The following RAB3C variants were observed in gnomAD, a reference collection of about 807,000 sequenced individuals.
RAB3C encodes the protein ras-related protein Rab-3C.
Under a neutral mutation model 26.4 loss-of-function variants are expected in RAB3C, and 17 were observed. The ratio of observed to expected loss-of-function variants is 0.64; its 90% confidence interval spans 0.44 to 0.97. The LOEUF (loss-of-function observed/expected upper bound fraction) is 0.97. RAB3C is among the 50% of genes least tolerant of loss of function. The pLI is 0.00. For missense variants in RAB3C, 242 were observed against 281.9 expected (o/e 0.86, Z 1.01); for synonymous variants, 91 against 95.9 (o/e 0.95, Z 0.30).
At position 58,758,239 on chromosome 5, in the gene RAB3C, C is replaced by T. The variant is rs145719430; in HGVS notation, c.371+32119C>T. 1.9e-3 allele frequency among the ~76,000 whole-genome samples: 291 copies of T among 152,090 alleles called. 4 individuals are homozygous for T. The highest frequency in any genetic ancestry group is 0.014 in the Admixed American group (208 of 15,272). Reference sequence around the variant, plus strand: ...GATTACAGACGTGAGCCACGGTGCCCGGCCTTTATTTGTTTATTATTGATA... The same window carrying T: ...GATTACAGACGTGAGCCACGGTGCCTGGCCTTTATTTGTTTATTATTGATA... On this transcript the variant is annotated intron_variant, in intron 3 of 4. Coordinates refer to ENST00000282878, the MANE Select transcript of RAB3C (RefSeq NM_138453.4).
chr5:58,845,680 A>T (rs1833809), intron 4 of RAB3C, among the ~76,000 whole-genome samples: 78,381 of 138,224 alleles, frequency 0.57, 22,918 homozygotes, highest in Middle Eastern at 0.69. Flanking sequence ...ATATGTATAT[A>T]TGTGTATATA....
chr5:58,600,846 G>A (rs535147554), intron 1 of RAB3C, among the ~76,000 whole-genome samples: 68 of 151,962 alleles, frequency 4.5e-4, no homozygotes, highest in African/African-American at 1.3e-3. Context: ...TTTCTTTCTC[G>A]TCTGATTACT....
At position 58,617,647 on chromosome 5, in the gene RAB3C, C is replaced by CCT; in HGVS notation, c.32_33dup (p.Ala12LeufsTer59). On this transcript the variant is annotated frameshift_variant, in exon 2 of 5. Transcript: ENST00000282878. LOFTEE classifies it high-confidence loss of function. Reference sequence around the variant, plus strand: ...TTTGTTTTGTTTTTATCACAGATGGCCTCTGCCCAAGATGCCAGGTACGGC... The same window carrying CCT: ...TTTGTTTTGTTTTTATCACAGATGGCCTCTCTGCCCAAGATGCCAGGTACGGC... The CCT allele has an allele frequency of 6.2e-7, 1 of 1,611,526 alleles. No individual in the cohort carries two copies. The highest frequency in any genetic ancestry group is 8.5e-7 in the Non-Finnish European group (1 of 1,177,842).
intron 4 of RAB3C, among the ~76,000 whole-genome samples, chr5:58,836,881 A>G (rs551393421): frequency 3.0e-4 from 45 of 152,198 alleles, no homozygotes; most frequent in African/African-American, 1.0e-3. Context: ...ATTTTCTTTT[A>G]TTTGAATAAA....
In RAB3C at chr5:58,628,151, C is replaced by T. The variant is rs748185884; in HGVS notation, c.252+10281C>T. Among the ~76,000 whole-genome samples, 35 of 76,008 alleles carry T rather than the reference C, an allele frequency of 4.6e-4. 1 individual carries two copies. Among genetic ancestry groups the T allele is most frequent in the Non-Finnish European group, 2.3e-4 (10 of 44,290 alleles). 49.9% of individuals were successfully genotyped at this position (76,008 alleles called of 152,430 possible). ...CAGCCTGGGCGACAAGGCAAGACTC[C>T]GTCTCAAAAAAAAAAAAAAAAAAAA... On this transcript the variant is annotated intron_variant, in intron 2 of 4. Transcript: ENST00000282878.
At chr5:58,715,463 GA>G (rs200833404) in intron 2 of RAB3C, among the ~76,000 whole-genome samples, 2,967 of 152,110 alleles carry the variant, frequency 0.02, 93 homozygotes, top group African/African-American at 0.067. Flanking sequence ...GAAGGAAGAA[GA>G]AGAAGAATCT....
intron 2 of RAB3C, chr5:58,689,433 A>G (rs1748515433): frequency 6.6e-6 from 1 of 152,114 alleles, no homozygotes; most frequent in Admixed American, 6.6e-5. Flanking sequence ...GTAACCAGAT[A>G]ATTTAGAGGG....
At chr5:58,662,504 T>G (rs1264745702) in intron 2 of RAB3C, among the ~76,000 whole-genome samples, 1 of 150,248 alleles carries the variant, frequency 6.7e-6, no homozygotes, top group South Asian at 2.1e-4. Context: ...AAGCCAAGTA[T>G]ATTAAAATTA....
At chr5:58,744,604 A>G (rs573949308) in intron 3 of RAB3C, among the ~76,000 whole-genome samples, 1 of 152,358 alleles carries the variant, frequency 6.6e-6, no homozygotes, top group African/African-American at 2.4e-5. Context: ...AACTGCGTAG[A>G]AAAGAGGCAA....
intron 3 of RAB3C, among the ~76,000 whole-genome samples, chr5:58,779,444 G>C (rs1742223319): frequency 6.6e-6 from 1 of 151,558 alleles, no homozygotes; most frequent in South Asian, 2.1e-4. Flanking sequence ...GAGTGCAGTG[G>C]CACAGTCATG....
chr5:58,660,261 T>A lies in RAB3C; in HGVS notation c.252+42391T>A, dbSNP rs1747873524. 2.7e-5 allele frequency among the ~76,000 whole-genome samples: 4 copies of A among 150,420 alleles called. No homozygotes were observed. The South Asian group carries it at 8.3e-4, about 31-fold the overall frequency. Reference sequence around the variant, plus strand: ...GCCTAAGCCTATGATATTTTAGCAGTGCATTATGGAAATTCTAATTGTTAT... The same window carrying A: ...GCCTAAGCCTATGATATTTTAGCAGAGCATTATGGAAATTCTAATTGTTAT... On this transcript the variant is annotated intron_variant, in intron 2 of 4. Coordinates refer to ENST00000282878, the MANE Select transcript of RAB3C (RefSeq NM_138453.4).
At chr5:58,818,794 T>G (rs1743274437) in intron 3 of RAB3C, among the ~76,000 whole-genome samples, 12 of 152,206 alleles carry the variant, frequency 7.9e-5, no homozygotes. Context: ...TCTCATGAGA[T>G]GATTGGAAAT....
At chr5:58,701,382 T>C (rs1471614062) in intron 2 of RAB3C, among the ~76,000 whole-genome samples, 1 of 152,196 alleles carries the variant, frequency 6.6e-6, no homozygotes, top group African/African-American at 2.4e-5. Context: ...TTCAGAATCT[T>C]TCTCATTCTG....
At chr5:58,613,144 TC>T (rs1263335558) in intron 1 of RAB3C, among the ~76,000 whole-genome samples, 3 of 152,058 alleles carry the variant, frequency 2.0e-5, no homozygotes, top group Non-Finnish European at 2.9e-5. Flanking sequence ...CCGATTTGGT[TC>T]CTGGTCAATA....
At chr5:58,736,455 T>C (rs1741137837) in intron 3 of RAB3C, among the ~76,000 whole-genome samples, 1 of 152,218 alleles carries the variant, frequency 6.6e-6, no homozygotes, top group Non-Finnish European at 1.5e-5. Context: ...GAATTCCTCC[T>C]AAGGCACTGC....
chr5:58,677,209 C>G (rs1226701875), intron 2 of RAB3C, among the ~76,000 whole-genome samples: 2 of 152,134 alleles, frequency 1.3e-5, no homozygotes, highest in African/African-American at 2.4e-5. Flanking sequence ...AGGACCCATC[C>G]TACTTAGATA....
intron 1 of RAB3C, among the ~76,000 whole-genome samples, chr5:58,599,094 G>T (rs1047514735): frequency 6.6e-6 from 1 of 152,114 alleles, no homozygotes; most frequent in African/African-American, 2.4e-5. Context: ...AGTAGCAAAG[G>T]AGCAAATAGC....
At chr5:58,781,731 C>T (rs1047636170) in intron 3 of RAB3C, among the ~76,000 whole-genome samples, 3 of 152,064 alleles carry the variant, frequency 2.0e-5, no homozygotes, top group African/African-American at 4.8e-5. Context: ...ATAATCTGGA[C>T]TCAACCTACA....
chr5:58,764,349 G>C (rs1251527064), intron 3 of RAB3C, among the ~76,000 whole-genome samples: 1 of 152,190 alleles, frequency 6.6e-6, no homozygotes, highest in African/African-American at 2.4e-5. Context: ...AAGACATTTA[G>C]AAAGCAGTAT....
Sources: allele counts gnomAD v4.1 joint callset (sites outside exome capture counted in the v4.1 genomes callset), GRCh38; gene constraint gnomAD v4.1.1; transcripts MANE v1.5; gene names NCBI Gene and HGNC (gene_info 2026-07-23, HGNC 2026-07-21).